Variants in CHAT observed in about 807,000 individuals in gnomAD.
The protein encoded by CHAT is acetyl CoA:choline O-acetyltransferase.
A neutral mutation model predicts 76.9 loss-of-function variants in CHAT; 61 were observed. The ratio of observed to expected loss-of-function variants is 0.79; its 90% confidence interval spans 0.65 to 0.98. The LOEUF (loss-of-function observed/expected upper bound fraction) is 0.98, where lower values mean the gene tolerates loss of function less well. Ranked by LOEUF, CHAT falls within the 50% of genes least tolerant of loss-of-function variation. CHAT has a pLI of 0.00. For synonymous variants in CHAT, 407 were observed against 397.4 expected (o/e 1.02, Z -0.29); for missense variants, 946 against 986.9 (o/e 0.96, Z 0.56).
intron 2 of CHAT, among the ~76,000 whole-genome samples, chr10:49,618,000 A>C (rs4838535): frequency 0.98 from 148,550 of 152,256 alleles, 72,537 homozygotes; most frequent in East Asian, 1. Flanking sequence ...TAAGGGGCCC[A>C]TTCACTCTGC....
chr10:49,623,605 G>A (rs73319028), intron 5 of CHAT, among the ~76,000 whole-genome samples: 3,963 of 152,042 alleles, frequency 0.026, 172 homozygotes, highest in African/African-American at 0.089. Flanking sequence ...TCCCACACTC[G>A]CTCATCCAAG....
chr10:49,637,117 T>C lies in CHAT; in HGVS notation c.1111+9332T>C, dbSNP rs1394580967. On this transcript the variant is annotated intron_variant, in intron 7 of 14. Coordinates refer to ENST00000337653, the MANE Select transcript of CHAT (RefSeq NM_020549.5). Reference sequence around the variant, plus strand: ...TACCTTTCTTTTTGTTGATTTTTTTTCCTGTTTTCAACTGTATTGATTTCT... The same window carrying C: ...TACCTTTCTTTTTGTTGATTTTTTTCCCTGTTTTCAACTGTATTGATTTCT... Among the ~76,000 whole-genome samples, 10 of 152,228 alleles carry C rather than the reference T, an allele frequency of 6.6e-5. No individual in the cohort carries two copies. The South Asian group carries it at 1.9e-3, about 28-fold the overall frequency.
chr10:49,610,858 T>G, upstream of CHAT: 1 of 1,612,724 alleles, frequency 6.2e-7, no homozygotes, highest in Non-Finnish European at 8.5e-7. Context: ...TGTTATCGTG[T>G]GCGTGGCGCT....
At position 49,665,098 on chromosome 10, in the gene CHAT, C is replaced by A. The variant is rs755519156; in HGVS notation, c.*52C>A. 6.3e-7 allele frequency: 1 copy of A among 1,599,132 alleles called. No homozygotes were observed. The highest frequency in any genetic ancestry group is 1.1e-5 in the South Asian group (1 of 90,684). On this transcript the variant is annotated 3_prime_UTR_variant, in exon 15 of 15. Transcript: ENST00000337653. The stretch of plus-strand genomic sequence containing the variant: ...AACCCAGCCTCTAGAACAGCCAGAC[C>A]CTGCAGATCCCCACTCCCGTCCCTT...
intron 7 of CHAT, among the ~76,000 whole-genome samples, chr10:49,645,579 G>A (rs10400162): frequency 0.019 from 2,862 of 152,238 alleles, 96 homozygotes; most frequent in African/African-American, 0.064. Context: ...GTCCTGCCGG[G>A]TGGGCTTGGT....
chr10:49,637,533 T>A (rs1241444685), intron 7 of CHAT: 1 of 152,240 alleles, frequency 6.6e-6, no homozygotes, highest in Non-Finnish European at 1.5e-5. Flanking sequence ...GGTTTAAAAG[T>A]GCTTGGCAGT....
chr10:49,634,748 C>G (rs1235804252), intron 7 of CHAT, among the ~76,000 whole-genome samples: 1 of 152,116 alleles, frequency 6.6e-6, no homozygotes, highest in Non-Finnish European at 1.5e-5. Flanking sequence ...TCCTGCCTTT[C>G]TCCCCCACCA....
chr10:49,614,070 G>C lies in CHAT; in HGVS notation c.-120G>C. 6.6e-7 allele frequency: 1 copy of C among 1,524,748 alleles called. No individual in the cohort carries two copies. 94.5% of individuals were successfully genotyped at this position (1,524,748 alleles called of 1,614,324 possible). ...AGCTAGGGGCAGGAGGCATGGGCGG[G>C]ACAGTGTTCTGTGCCCCCTTCTAGA... On this transcript the variant is annotated 5_prime_UTR_variant, in exon 1 of 15. Coordinates refer to ENST00000337653, the MANE Select transcript of CHAT (RefSeq NM_020549.5).
chr10:49,651,744 G>A, intron 10 of CHAT, 140 bp from the exon 11 acceptor site: 5 of 784,674 alleles, frequency 6.4e-6, no homozygotes, highest in Non-Finnish European at 8.2e-6. Context: ...ACACCTCAGT[G>A]CACTCCTGAA....
At chr10:49,626,886 G>A (rs982969233) in intron 6 of CHAT, among the ~76,000 whole-genome samples, 2 of 152,248 alleles carry the variant, frequency 1.3e-5, no homozygotes, top group Non-Finnish European at 2.9e-5. Flanking sequence ...GCACATGTAG[G>A]TATACATGTG....
rs1451470901 is a variant in CHAT, at chr10:49,630,152, A to C, written c.1111+2367A>C. Reference sequence around the variant, plus strand: ...TATATATGTTTGGAGCCCAAGGGAGAGGTCAGTACAGAGCAATAAATTTGA... The same window carrying C: ...TATATATGTTTGGAGCCCAAGGGAGCGGTCAGTACAGAGCAATAAATTTGA... On this transcript the variant is annotated intron_variant, in intron 7 of 14. Coordinates refer to ENST00000337653, the MANE Select transcript of CHAT (RefSeq NM_020549.5). Among the ~76,000 whole-genome samples, 3 of 141,124 alleles carry C rather than the reference A, an allele frequency of 2.1e-5. No individual in the cohort carries two copies. In the East Asian group the frequency reaches 5.8e-4, roughly 27 times the overall value. 92.6% of individuals were successfully genotyped at this position (141,124 alleles called of 152,430 possible). A position where few individuals can be genotyped will look rare whatever the true frequency, so the allele number is the denominator to read the frequency against.
In CHAT at chr10:49,643,419, CCTT is replaced by C. The variant is rs565507047; in HGVS notation, c.1112-3079_1112-3077del. Reference sequence around the variant, plus strand: ...CTATACACCTCCTGGCATGCCTCTCCCTTCTTCTTTGCTGATCTGAACCTGACC... The same window carrying C: ...CTATACACCTCCTGGCATGCCTCTCCCTTCTTTGCTGATCTGAACCTGACC... On this transcript the variant is annotated intron_variant, in intron 7 of 14. Coordinates refer to ENST00000337653, the MANE Select transcript of CHAT (RefSeq NM_020549.5). Among the ~76,000 whole-genome samples the C allele has an allele frequency of 7.2e-3, 1,100 of 152,322 alleles. 15 individuals carry two copies. Among genetic ancestry groups the C allele is most frequent in the African/African-American group, 0.025 (1,047 of 41,566 alleles).
At chr10:49,639,813 C>T (rs1450268213) in intron 7 of CHAT, among the ~76,000 whole-genome samples, 3 of 152,108 alleles carry the variant, frequency 2.0e-5, no homozygotes, top group South Asian at 2.1e-4. Context: ...TTCTGCTCTG[C>T]CCTCTTTCTC....
chr10:49,631,611 C>A (rs1209807050), intron 7 of CHAT, among the ~76,000 whole-genome samples: 1 of 152,152 alleles, frequency 6.6e-6, no homozygotes, highest in Non-Finnish European at 1.5e-5. Context: ...GTTTGGCCGT[C>A]TCAGTGACAT....
intron 7 of CHAT, among the ~76,000 whole-genome samples, chr10:49,636,435 C>A (rs1306652334): frequency 6.6e-6 from 1 of 151,990 alleles, no homozygotes. Context: ...AGTATTTTTT[C>A]CATCTATATT....
intron 11 of CHAT, 31 bp from the exon 12 acceptor site, chr10:49,655,064 C>G (rs1248640184): frequency 1.2e-6 from 2 of 1,613,258 alleles, no homozygotes; most frequent in South Asian, 2.2e-5. Flanking sequence ...GAATAAATTA[C>G]CATGTGCCAT....
At chr10:49,622,521 T>C (rs1838767157) in intron 5 of CHAT, among the ~76,000 whole-genome samples, 1 of 152,232 alleles carries the variant, frequency 6.6e-6, no homozygotes, top group South Asian at 2.1e-4. Context: ...GGAGGAATGG[T>C]GTCTCCAGCG....
At chr10:49,664,724 G>A (rs1358113432) in intron 14 of CHAT, 53 bp from the exon 15 acceptor site, 1 of 1,612,458 alleles carries the variant, frequency 6.2e-7, no homozygotes, top group Non-Finnish European at 8.5e-7. Flanking sequence ...CCCAGTCGAG[G>A]CTGGCGGGCT....
In CHAT at chr10:49,648,565, G is replaced by C; in HGVS notation, c.1340G>C (p.Gly447Ala). The C allele has an allele frequency of 6.2e-7, 1 of 1,613,994 alleles. No individual in the cohort carries two copies. Among genetic ancestry groups the C allele is most frequent in the South Asian group, 1.1e-5 (1 of 91,052 alleles). Residue 447 changes from glycine (G) to alanine (A), a missense_variant, in exon 9 of 15, where the codon GGC (glycine) becomes GCC (alanine). Transcript: ENST00000337653. ...GVVCEHSPFD[G>A]IVLVQCTEHL... ...GTGTGCGAACACTCCCCATTCGATG[G>C]CATCGTCCTGGTGCAGTGCACTGAG...
Sources: allele counts gnomAD v4.1 joint callset (sites outside exome capture counted in the v4.1 genomes callset), GRCh38; gene constraint gnomAD v4.1.1; transcripts MANE v1.5; gene names NCBI Gene and HGNC (gene_info 2026-07-23, HGNC 2026-07-21).